The following MTURN variants were observed in gnomAD, a reference collection of about 807,000 sequenced individuals.
The protein encoded by MTURN is maturin.
Under a neutral mutation model 14.9 loss-of-function variants are expected in MTURN, and 7 were observed. The observed-to-expected ratio is 0.47, with a 90% CI of 0.27 to 0.88. MTURN has a LOEUF of 0.88. Among genes scored for constraint, MTURN ranks in the 40% least tolerant of loss-of-function variants. MTURN has a pLI of 0.14. For missense variants in MTURN, 151 were observed against 174.1 expected (o/e 0.87, Z 0.75); for synonymous variants, 69 against 72.5 (o/e 0.95, Z 0.25).
At chr7:30,156,843 A>G (rs761871342) in intron 2 of MTURN, among the ~76,000 whole-genome samples, 10 of 152,030 alleles carry the variant, frequency 6.6e-5, no homozygotes, top group Non-Finnish European at 1.0e-4. Context: ...AAACTCTGTC[A>G]TAATAAAAGT....
chr7:30,146,220 T>C lies in MTURN; in HGVS notation c.206T>C (p.Leu69Pro). The change falls in exon 2 of 3, where the codon CTA (leucine) becomes CCA (proline). Residue 69 changes from leucine (L) to proline (P), a missense_variant. Leu to Pro is a moderately conservative substitution (Grantham distance 98). Coordinates refer to ENST00000324453, the MANE Select transcript of MTURN (RefSeq NM_152793.3). ...ESEDCLPFLQ[L>P]AQDYISSCGK... The stretch of plus-strand genomic sequence containing the variant: ...GAGGACTGCCTGCCTTTCTTGCAGC[T>C]AGCACAGGATTACATCTCCTCCTGC... The C allele has an allele frequency of 6.2e-7, 1 of 1,614,182 alleles. No individual in the cohort carries two copies. The highest frequency in any genetic ancestry group is 1.7e-5 in the Admixed American group (1 of 60,012).
intron 1 of MTURN, among the ~76,000 whole-genome samples, chr7:30,136,994 C>T (rs757146305): frequency 6.6e-6 from 1 of 152,066 alleles, no homozygotes; most frequent in Non-Finnish European, 1.5e-5. Flanking sequence ...CCAGAAGAGC[C>T]AACTGAACAA....
At chr7:30,144,928 C>CTTTTT (rs11411711) in intron 1 of MTURN, among the ~76,000 whole-genome samples, 43 of 73,972 alleles carry the variant, frequency 5.8e-4, no homozygotes, top group Admixed American at 9.4e-4. Flanking sequence ...GACCTCAATA[C>CTTTTT]TTTTTTTTTT....
chr7:30,143,331 G>A (rs1797080166), intron 1 of MTURN, among the ~76,000 whole-genome samples: 1 of 150,634 alleles, frequency 6.6e-6, no homozygotes, highest in Non-Finnish European at 1.5e-5. Flanking sequence ...TCTCACTCTT[G>A]GATCTTATTT....
intron 1 of MTURN, among the ~76,000 whole-genome samples, chr7:30,142,281 G>T (rs1481958231): frequency 6.6e-6 from 1 of 152,178 alleles, no homozygotes; most frequent in Non-Finnish European, 1.5e-5. Context: ...AAATCAAAGT[G>T]CTTATCGGAT....
chr7:30,142,005 A>G (rs1271768851), intron 1 of MTURN, among the ~76,000 whole-genome samples: 4 of 152,310 alleles, frequency 2.6e-5, no homozygotes, highest in African/African-American at 4.8e-5. Context: ...AGCACCAGGA[A>G]GTCCAGCTGC....
chr7:30,139,497 G>A (rs1210971848), intron 1 of MTURN, among the ~76,000 whole-genome samples: 1 of 152,182 alleles, frequency 6.6e-6, no homozygotes, highest in African/African-American at 2.4e-5. Flanking sequence ...TGGGTTCAGG[G>A]AGTGCTTCTT....
intron 2 of MTURN, among the ~76,000 whole-genome samples, chr7:30,155,637 G>A (rs777581702): frequency 3.3e-5 from 5 of 152,214 alleles, no homozygotes; most frequent in Non-Finnish European, 7.3e-5. Context: ...TGAGGCAGCT[G>A]TGGCATGCTC....
In MTURN at chr7:30,159,449, A is replaced by G. The variant is rs1399856501; in HGVS notation, c.*1901A>G. The G allele has an allele frequency of 6.6e-6, 1 of 152,416 alleles. No individual in the cohort carries two copies. Among genetic ancestry groups the G allele is most frequent in the Non-Finnish European group, 1.5e-5 (1 of 68,038 alleles). The allele number at this position is 152,416 out of a possible 1,614,324, so 9.4% of individuals were successfully genotyped here. ...TTGCTCCATTGGAAGGTAAACTGAA[A>G]TTTTATACGTTGAAGCTTAAAATCT... On this transcript the variant is annotated 3_prime_UTR_variant, in exon 3 of 3. Coordinates refer to ENST00000324453, the MANE Select transcript of MTURN (RefSeq NM_152793.3).
chr7:30,162,416 G>C lies in MTURN; in HGVS notation c.*4868G>C, dbSNP rs1482231275. 3 of 152,050 alleles carry C rather than the reference G, an allele frequency of 2.0e-5. No individual in the cohort carries two copies. Among genetic ancestry groups the C allele is most frequent in the African/African-American group, 7.3e-5 (3 of 41,318 alleles). The allele number at this position is 152,050 out of a possible 1,614,324, so 9.4% of individuals were successfully genotyped here. A position where few individuals can be genotyped will look rare whatever the true frequency, so the allele number is the denominator to read the frequency against. Reference sequence around the variant, plus strand: ...TATCCGTGATCCAGTCTTAATTTGAGCATGAGAGCAAAATTTAGTCATCTA... The same window carrying C: ...TATCCGTGATCCAGTCTTAATTTGACCATGAGAGCAAAATTTAGTCATCTA... On this transcript the variant is annotated 3_prime_UTR_variant, in exon 3 of 3. Transcript: ENST00000324453.
At chr7:30,137,228 C>T (rs6953680) in intron 1 of MTURN, 17,584 of 163,238 alleles carry the variant, frequency 0.11, 1,017 homozygotes, top group Middle Eastern at 0.15. Flanking sequence ...TCTGCCAGCG[C>T]CCTTTCTCCC....
At chr7:30,139,361 A>G (rs1377366495) in intron 1 of MTURN, among the ~76,000 whole-genome samples, 5 of 152,122 alleles carry the variant, frequency 3.3e-5, no homozygotes, top group African/African-American at 1.2e-4. Context: ...TTACAGAGGA[A>G]GAAACTGAGG....
At chr7:30,138,377 A>T (rs1796998839) in intron 1 of MTURN, among the ~76,000 whole-genome samples, 1 of 152,080 alleles carries the variant, frequency 6.6e-6, no homozygotes, top group Non-Finnish European at 1.5e-5. Flanking sequence ...GGCCTCCCAA[A>T]GTGCTGGGAT....
At chr7:30,152,018 T>C (rs1797219724) in intron 2 of MTURN, among the ~76,000 whole-genome samples, 1 of 152,190 alleles carries the variant, frequency 6.6e-6, no homozygotes. Context: ...GTCAAGAGCC[T>C]GGAAAAGAGA....
chr7:30,145,760 A>G, intron 1 of MTURN: 12 of 1,375,486 alleles, frequency 8.7e-6, no homozygotes, highest in Non-Finnish European at 1.2e-5. Context: ...CTTACAAACT[A>G]TGCTTAATTA....
intron 1 of MTURN, among the ~76,000 whole-genome samples, chr7:30,138,277 G>C (rs1478714752): frequency 6.6e-6 from 1 of 152,078 alleles, no homozygotes; most frequent in Non-Finnish European, 1.5e-5. Flanking sequence ...CCCACGCCCA[G>C]CTAATTTTTC....
chr7:30,143,564 A>C (rs1797085977), intron 1 of MTURN, among the ~76,000 whole-genome samples: 1 of 152,072 alleles, frequency 6.6e-6, no homozygotes, highest in African/African-American at 2.4e-5. Context: ...TCTGAGTCCA[A>C]ACCCCATGCC....
At position 30,135,425 on chromosome 7, in the gene MTURN, G is replaced by C. The variant is rs1194399712; in HGVS notation, c.162+127G>C. The stretch of plus-strand genomic sequence containing the variant: ...AGTGGGGGGCCGTAACCCGCGCCCC[G>C]CGCCCCGCGTGCTCCGCCGGGGAAG... On this transcript the variant is annotated intron_variant, in intron 1 of 2. Coordinates refer to ENST00000324453, the MANE Select transcript of MTURN (RefSeq NM_152793.3). 3.8e-6 allele frequency: 3 copies of C among 788,146 alleles called. No individual in the cohort carries two copies. In the East Asian group the frequency reaches 1.7e-4, roughly 45 times the overall value. 48.8% of individuals were successfully genotyped at this position (788,146 alleles called of 1,614,324 possible). A position where few individuals can be genotyped will look rare whatever the true frequency, so the allele number is the denominator to read the frequency against.
At chr7:30,135,797 C>T (rs1227795566) in intron 1 of MTURN, among the ~76,000 whole-genome samples, 1 of 152,206 alleles carries the variant, frequency 6.6e-6, no homozygotes, top group Non-Finnish European at 1.5e-5. Flanking sequence ...GCCTCGGCTC[C>T]TCGCATTGCC....
Sources: gnomAD v4.1 joint callset for allele counts (sites outside exome capture counted in the v4.1 genomes callset) on GRCh38, gnomAD v4.1.1 for gene constraint, MANE v1.5 for transcripts, NCBI Gene and HGNC (gene_info 2026-07-23, HGNC 2026-07-21) for gene names.